The following STOX2 variants were observed in gnomAD, a reference collection of about 807,000 sequenced individuals.
STOX2 encodes the protein storkhead-box protein 2.
STOX2 carries 28 observed loss-of-function variants against 60.9 expected under a neutral mutation model. The observed-to-expected ratio is 0.46, with a 90% CI of 0.34 to 0.63. STOX2 has a LOEUF of 0.63. Among genes scored for constraint, STOX2 ranks in the 30% least tolerant of loss-of-function variants. STOX2 has a pLI of 0.01. For synonymous variants in STOX2, 472 were observed against 463.9 expected, an observed-to-expected ratio of 1.02 and a Z score of -0.22; for missense variants, 1,024 against 1,187.7, an observed-to-expected ratio of 0.86 and a Z score of 2.03.
intron 1 of STOX2, among the ~76,000 whole-genome samples, chr4:183,993,283 T>G (rs1733190467): frequency 6.6e-6 from 1 of 152,240 alleles, no homozygotes; most frequent in Admixed American, 6.5e-5. Flanking sequence ...ATCATGAGCT[T>G]CTTCTGTAGA....
chr4:183,851,050 CGAT>C (rs1299558619), intron 1 of STOX2, among the ~76,000 whole-genome samples: 2 of 56,980 alleles, frequency 3.5e-5, no homozygotes, highest in African/African-American at 1.5e-4. Flanking sequence ...ATGAGAGAAA[CGAT>C]GAGAGAAAGG....
At chr4:183,815,926 TACTATTG>T (rs1739143900) in intron 1 of STOX2, among the ~76,000 whole-genome samples, 1 of 152,250 alleles carries the variant, frequency 6.6e-6, no homozygotes, top group Admixed American at 6.5e-5. Context: ...ATATTATTGA[TACTATTG>T]ACATGAAATG....
At chr4:183,976,087 C>A (rs951939364) in intron 1 of STOX2, among the ~76,000 whole-genome samples, 6 of 152,266 alleles carry the variant, frequency 3.9e-5, no homozygotes, top group African/African-American at 1.4e-4. Flanking sequence ...CCAAGGCAGG[C>A]AGATCATGAA....
chr4:183,927,285 CAT>C (rs904411167), intron 1 of STOX2, among the ~76,000 whole-genome samples: 1 of 152,202 alleles, frequency 6.6e-6, no homozygotes, highest in Non-Finnish European at 1.5e-5. Flanking sequence ...CTCTGTGTCT[CAT>C]GTGTAAAATG....
intron 1 of STOX2, among the ~76,000 whole-genome samples, chr4:183,818,950 C>T (rs1025110048): frequency 1.3e-5 from 2 of 152,020 alleles, no homozygotes; most frequent in Non-Finnish European, 2.9e-5. Flanking sequence ...CCAGACTGGG[C>T]AGCGGGGCAG....
intron 1 of STOX2, among the ~76,000 whole-genome samples, chr4:183,971,165 T>C (rs933055888): frequency 3.9e-5 from 6 of 152,214 alleles, no homozygotes; most frequent in Admixed American, 1.3e-4. Flanking sequence ...GATACTCGTC[T>C]AAGGACCACA....
chr4:183,863,886 C>G (rs1050522948), intron 1 of STOX2, among the ~76,000 whole-genome samples: 13 of 152,130 alleles, frequency 8.5e-5, no homozygotes, highest in East Asian at 3.8e-4. Context: ...GATAGGTGTT[C>G]ACAGAACCAC....
At chr4:183,976,066 A>C (rs1405056614) in intron 1 of STOX2, among the ~76,000 whole-genome samples, 1 of 152,268 alleles carries the variant, frequency 6.6e-6, no homozygotes, top group Non-Finnish European at 1.5e-5. Flanking sequence ...TAATCCCAGC[A>C]CTTTGGGAGG....
At chr4:183,855,673 T>G (rs1410780798) in intron 1 of STOX2, among the ~76,000 whole-genome samples, 7 of 152,226 alleles carry the variant, frequency 4.6e-5, no homozygotes, top group Admixed American at 1.3e-4. Context: ...TATGTAAGCA[T>G]CTTAAGGCTT....
chr4:183,903,024 T>C (rs1048197292), upstream of STOX2, among the ~76,000 whole-genome samples: 2 of 152,224 alleles, frequency 1.3e-5, no homozygotes, highest in Non-Finnish European at 2.9e-5. Flanking sequence ...TTTAATCAAG[T>C]GCGATTCAAA....
At chr4:183,832,080 G>T (rs7655504) in intron 1 of STOX2, among the ~76,000 whole-genome samples, 19 of 150,084 alleles carry the variant, frequency 1.3e-4, no homozygotes, top group Admixed American at 1.2e-3. Context: ...ACCTCTGCCT[G>T]CTAGGTTCAA....
rs183883629 is a variant in STOX2 at position 183,808,660 on chromosome 4, G to A, written c.364+10605G>A. On this transcript the variant is annotated intron_variant, in intron 1 of 2. Transcript: ENST00000513034. ...AAAAGCAGTACTTTAGACACTGTCT[G>A]TTCCCAGATAATAATGGTTACTCTA... is the stretch of plus-strand genomic sequence containing the variant. Among the ~76,000 whole-genome samples the A allele has an allele frequency of 5.8e-3, 882 of 152,294 alleles. 3 individuals carry two copies. The highest frequency in any genetic ancestry group is 8.5e-3 in the Non-Finnish European group (579 of 68,022).
chr4:183,883,257 C>G (rs1277585767), intron 1 of STOX2, among the ~76,000 whole-genome samples: 1 of 151,872 alleles, frequency 6.6e-6, no homozygotes, highest in Non-Finnish European at 1.5e-5. Flanking sequence ...CTAACCTAAG[C>G]AAATTAGAAG....
At chr4:183,885,697 C>T (rs1560863412) in intron 1 of STOX2, among the ~76,000 whole-genome samples, 1 of 152,218 alleles carries the variant, frequency 6.6e-6, no homozygotes, top group Non-Finnish European at 1.5e-5. Flanking sequence ...AGGTCCTGCT[C>T]CTTATATACA....
chr4:183,967,128 C>A (rs1005077407), intron 1 of STOX2, among the ~76,000 whole-genome samples: 2 of 151,852 alleles, frequency 1.3e-5, no homozygotes, highest in Non-Finnish European at 2.9e-5. Context: ...TTTGGGAGGC[C>A]GAGGTGGGCG....
At chr4:183,860,438 A>AGAAC (rs1740404180) in intron 1 of STOX2, among the ~76,000 whole-genome samples, 1 of 95,190 alleles carries the variant, frequency 1.1e-5, no homozygotes, top group African/African-American at 3.3e-5. Context: ...CAAAAAACAA[A>AGAAC]AAACAAAAAA....
chr4:183,862,638 G>T (rs1381540076), intron 1 of STOX2, among the ~76,000 whole-genome samples: 2 of 152,334 alleles, frequency 1.3e-5, no homozygotes, highest in Admixed American at 1.3e-4. Context: ...AGGCTGGCAC[G>T]CATTTGAGTG....
chr4:184,009,208 G>T lies in STOX2; in HGVS notation c.370G>T (p.Val124Leu), dbSNP rs1734024486. ...TCTGCGGCACACGCTGAACACGCTG[G>T]TACGGGAGAGGAAGATCTACCCAAC... ...EILRHTLNTL[V>L]RERKIYPTPD... Residue 124 changes from valine (V) to leucine (L), a missense_variant, in exon 3 of 4, where the codon GTA (valine) becomes TTA (leucine). This residue lies in a region of STOX2 where 922 missense variants were observed against 1,058.3 expected (regional missense o/e 0.87). Transcript: ENST00000308497. The surrounding 1 kb of genome is among the most constrained non-coding windows in gnomAD (Gnocchi z 4.0). 1 of 1,603,236 alleles carries T rather than the reference G, an allele frequency of 6.2e-7. No individual in the cohort carries two copies.
At chr4:183,863,248 G>A (rs1740491142) in intron 1 of STOX2, among the ~76,000 whole-genome samples, 1 of 152,148 alleles carries the variant, frequency 6.6e-6, no homozygotes, top group South Asian at 2.1e-4. Flanking sequence ...TCTGCAGTAA[G>A]GAAACCCATG....
Sources: allele counts gnomAD v4.1 joint callset (sites outside exome capture counted in the v4.1 genomes callset), GRCh38; gene constraint gnomAD v4.1.1; regional missense constraint gnomAD v4.1.1; non-coding constraint Gnocchi (gnomAD v3.1); transcripts MANE v1.5; gene names NCBI Gene and HGNC (gene_info 2026-07-23, HGNC 2026-07-21).